Variants in MITF observed in about 807,000 individuals in gnomAD.
MITF encodes melanocyte inducing transcription factor.
MITF carries 17 observed loss-of-function variants against 60.5 expected under a neutral mutation model. That is an observed-to-expected ratio of 0.28 (90% CI 0.19 to 0.42). The LOEUF is 0.42. MITF is among the 10% of genes least tolerant of loss of function. The probability of loss-of-function intolerance (pLI) is 1.00; values close to 1 mark genes in which losing one functional copy is unlikely to be tolerated. For synonymous variants in MITF, 260 were observed against 248.5 expected (o/e 1.05, Z -0.43); for missense variants, 622 against 683.5 (o/e 0.91, Z 1.00).
At chr3:69,963,003 T>C (rs1428772589) in intron 9 of MITF, among the ~76,000 whole-genome samples, 1 of 152,206 alleles carries the variant, frequency 6.6e-6, no homozygotes, top group Non-Finnish European at 1.5e-5. Context: ...TCACATGGTC[T>C]TTTTTCCTGT....
intron 1 of MITF, among the ~76,000 whole-genome samples, chr3:69,824,902 C>A (rs75514351): frequency 0.012 from 1,874 of 152,322 alleles, 18 homozygotes; most frequent in Admixed American, 0.026. Flanking sequence ...CAGCAACTTC[C>A]CTGCCTCCAG....
intron 7 of MITF, among the ~76,000 whole-genome samples, chr3:69,952,136 G>A (rs1383437168): frequency 6.6e-6 from 1 of 151,898 alleles, no homozygotes; most frequent in South Asian, 2.1e-4. Flanking sequence ...GTTTCTAGTA[G>A]TGGTTTTCTC....
intron 6 of MITF, among the ~76,000 whole-genome samples, chr3:69,950,631 A>G (rs945925259): frequency 3.4e-5 from 5 of 148,366 alleles, no homozygotes; most frequent in Admixed American, 6.8e-5. Flanking sequence ...TGGTGTGTAT[A>G]TATATATATA....
chr3:69,744,718 A>G (rs944795480), intron 1 of MITF, among the ~76,000 whole-genome samples: 12 of 152,222 alleles, frequency 7.9e-5, no homozygotes, highest in African/African-American at 2.7e-4. Flanking sequence ...CTCTAAGGCA[A>G]GTGTTGTTAC....
intron 1 of MITF, among the ~76,000 whole-genome samples, chr3:69,774,639 T>C (rs1387747961): frequency 6.6e-6 from 1 of 152,156 alleles, no homozygotes; most frequent in African/African-American, 2.4e-5. Context: ...AGGTCAAAGA[T>C]TCTGGAAGCA....
At chr3:69,845,491 G>A (rs2063716559) in intron 1 of MITF, among the ~76,000 whole-genome samples, 1 of 140,276 alleles carries the variant, frequency 7.1e-6, no homozygotes, top group Non-Finnish European at 1.5e-5. Context: ...GAAAACATGA[G>A]ACATTCAGTA....
chr3:69,936,716 C>T (rs771420776), intron 2 of MITF: 32 of 1,613,458 alleles, frequency 2.0e-5, no homozygotes, highest in Non-Finnish European at 3.4e-6. Flanking sequence ...CCACCTAAAA[C>T]ATTGTTATGC....
At chr3:69,840,683 C>G (rs2063619958) in intron 1 of MITF, among the ~76,000 whole-genome samples, 1 of 151,794 alleles carries the variant, frequency 6.6e-6, no homozygotes, top group Admixed American at 6.6e-5. Context: ...GTCCTGTTGT[C>G]ATCATTTGTC....
At chr3:69,931,523 G>A (rs2065722337) in intron 2 of MITF, among the ~76,000 whole-genome samples, 1 of 152,040 alleles carries the variant, frequency 6.6e-6, no homozygotes, top group Non-Finnish European at 1.5e-5. Flanking sequence ...AGACTTGCTG[G>A]GAATTTTTGA....
intron 1 of MITF, among the ~76,000 whole-genome samples, chr3:69,828,222 C>T (rs1559656053): frequency 6.8e-6 from 1 of 147,752 alleles, no homozygotes; most frequent in East Asian, 1.9e-4. Context: ...CTTTGACCGA[C>T]CAGAGATTTC....
chr3:69,820,276 G>A (rs944122967), intron 1 of MITF, among the ~76,000 whole-genome samples: 1 of 152,046 alleles, frequency 6.6e-6, no homozygotes, highest in South Asian at 2.1e-4. Context: ...GGCTCATTTT[G>A]TATTTCTATT....
At chr3:69,814,934 G>A (rs1266724502) in intron 1 of MITF, among the ~76,000 whole-genome samples, 1 of 152,008 alleles carries the variant, frequency 6.6e-6, no homozygotes, top group South Asian at 2.1e-4. Flanking sequence ...TTAAGACTTC[G>A]GCTCTTCTTT....
chr3:69,856,721 G>A (rs920689967), intron 1 of MITF, among the ~76,000 whole-genome samples: 2 of 151,998 alleles, frequency 1.3e-5, no homozygotes, highest in Admixed American at 1.3e-4. Context: ...CCTTTTTTGA[G>A]AACTTTCTTC....
chr3:69,837,430 T>C (rs1188414147), intron 1 of MITF, among the ~76,000 whole-genome samples: 2 of 152,360 alleles, frequency 1.3e-5, no homozygotes, highest in Middle Eastern at 3.4e-3. Context: ...CACAGAGTAC[T>C]GAGCCTGTAC....
rs1385820097 is a variant in MITF at position 69,966,181 on chromosome 3, CTTTA to C, written c.*936_*939del. 4.3e-6 allele frequency: 1 copy of C among 232,120 alleles called. No homozygotes were observed. The highest frequency in any genetic ancestry group is 8.5e-6 in the Non-Finnish European group (1 of 117,372). 14.4% of individuals were successfully genotyped at this position (232,120 alleles called of 1,614,324 possible). On this transcript the variant is annotated 3_prime_UTR_variant, in exon 10 of 10. Coordinates refer to ENST00000352241, the MANE Select transcript of MITF (RefSeq NM_001354604.2). ...ACTGTTCATTTGATTTGTACAGATT[CTTTA>C]TTATCATTGTTCTTTTCAATATATT...
intron 2 of MITF, among the ~76,000 whole-genome samples, chr3:69,925,323 C>T (rs1437281473): frequency 6.6e-6 from 1 of 152,098 alleles, no homozygotes; most frequent in Admixed American, 6.5e-5. Context: ...CAATACTAAA[C>T]TGCATCTCTC....
At chr3:69,808,375 G>T (rs2063045053) in intron 1 of MITF, among the ~76,000 whole-genome samples, 1 of 152,248 alleles carries the variant, frequency 6.6e-6, no homozygotes, top group African/African-American at 2.4e-5. Flanking sequence ...CAGGAAAGTT[G>T]AGATGAATGG....
intron 2 of MITF, among the ~76,000 whole-genome samples, chr3:69,910,601 C>T (rs1418273635): frequency 6.6e-6 from 1 of 152,234 alleles, no homozygotes; most frequent in Non-Finnish European, 1.5e-5. Flanking sequence ...CATAGGAACC[C>T]ACCTTTTGCA....
chr3:69,878,585 T>C (rs1374202452), intron 1 of MITF, among the ~76,000 whole-genome samples: 1 of 152,180 alleles, frequency 6.6e-6, no homozygotes, highest in East Asian at 1.9e-4. Flanking sequence ...CTGGCCCAAA[T>C]GCTTCCTTCA....
Sources: allele counts gnomAD v4.1 joint callset (sites outside exome capture counted in the v4.1 genomes callset), GRCh38; gene constraint gnomAD v4.1.1; transcripts MANE v1.5; gene names NCBI Gene and HGNC (gene_info 2026-07-23, HGNC 2026-07-21).